Variants in OSBPL11 observed in about 807,000 individuals in gnomAD.
OSBPL11 encodes oxysterol-binding protein-related protein 11.
In OSBPL11, 33 loss-of-function variants were observed where a neutral mutation model predicts 84.4. That is an observed-to-expected ratio of 0.39 (90% CI 0.30 to 0.52). The LOEUF (loss-of-function observed/expected upper bound fraction) is 0.52, where lower values mean the gene tolerates loss of function less well. OSBPL11 is among the 20% of genes least tolerant of loss of function. The pLI, the probability that OSBPL11 is intolerant of heterozygous loss-of-function variation, is 0.72. For synonymous variants in OSBPL11, 276 were observed against 310.2 expected, an observed-to-expected ratio of 0.89 and a Z score of 1.16; for missense variants, 736 against 901.1, an observed-to-expected ratio of 0.82 and a Z score of 2.35.
Position 125,552,227 on chromosome 3 carries a change from C to T in OSBPL11, c.1608G>A (p.Lys536=). The T allele has an allele frequency of 6.2e-7, 1 of 1,613,420 alleles. No individual in the cohort carries two copies. The highest frequency in any genetic ancestry group is 1.1e-5 in the South Asian group (1 of 90,864). ...KMCVNAHVWT[K]SKFLGMSIGV... is the part of the protein sequence containing the mutation. ...CTATTGACATGCCTAAGAACTTGCT[C>T]TTAGTCCAGACATGCGCATTTACAC... The change falls in exon 9 of 13, where the codon AAG becomes AAA. Residue 536 remains lysine, a synonymous_variant. Coordinates refer to ENST00000296220, the MANE Select transcript of OSBPL11 (RefSeq NM_022776.5).
intron 10 of OSBPL11, among the ~76,000 whole-genome samples, chr3:125,545,185 G>T (rs1935792430): frequency 6.6e-6 from 1 of 152,186 alleles, no homozygotes; most frequent in South Asian, 2.1e-4. Context: ...GACACTGTCT[G>T]TTATTTTACT....
chr3:125,549,212 C>T (rs1935864946), intron 9 of OSBPL11, among the ~76,000 whole-genome samples: 3 of 152,216 alleles, frequency 2.0e-5, no homozygotes, highest in East Asian at 1.9e-4. Flanking sequence ...TTAATAGAGA[C>T]GGGGTTTCCC....
chr3:125,580,487 C>A lies in OSBPL11; in HGVS notation c.234-447G>T, dbSNP rs1243588697. On this transcript the variant is annotated intron_variant, in intron 2 of 12. Transcript: ENST00000296220. ...TAAGATCGAGCCACTGCACTCCAGC[C>A]TGGGCAAAAAGAGCAAAACTCCGTC... 3.9e-5 allele frequency among the ~76,000 whole-genome samples: 5 copies of A among 129,846 alleles called. No individual in the cohort carries two copies. The East Asian group carries it at 1.1e-3, about 29-fold the overall frequency. The allele number at this position is 129,846 out of a possible 152,430, so 85.2% of individuals were successfully genotyped here. A position where few individuals can be genotyped will look rare whatever the true frequency, so the allele number is the denominator to read the frequency against.
At chr3:125,532,175 T>TA (rs1935569153) in intron 11 of OSBPL11, among the ~76,000 whole-genome samples, 161 bp from the exon 12 acceptor site, 2 of 152,254 alleles carry the variant, frequency 1.3e-5, no homozygotes, top group Non-Finnish European at 2.9e-5. Flanking sequence ...ACTGTGCTGC[T>TA]GATGGTTATG....
chr3:125,540,779 G>A (rs1173680516), intron 10 of OSBPL11, among the ~76,000 whole-genome samples: 3 of 152,164 alleles, frequency 2.0e-5, no homozygotes, highest in Non-Finnish European at 1.5e-5. Context: ...TGACTGCTGG[G>A]TATTACAGGG....
chr3:125,573,481 G>C (rs12487738), intron 5 of OSBPL11, among the ~76,000 whole-genome samples: 10,334 of 152,286 alleles, frequency 0.068, 473 homozygotes, highest in Non-Finnish European at 0.098. Flanking sequence ...TAATAAGAAA[G>C]AGTAAATAGG....
Position 125,594,990 on chromosome 3 carries a change from G to C in OSBPL11, c.-190C>G, listed in dbSNP as rs1433428188. ...ATTCCCACAGAAGTTAAACTTTTGAGAGGGCAGGGGAAGCAACGAGGACAG... is the reference window on the plus strand; with the variant it reads ...ATTCCCACAGAAGTTAAACTTTTGACAGGGCAGGGGAAGCAACGAGGACAG... On this transcript the variant is annotated 5_prime_UTR_variant, in exon 1 of 13. Coordinates refer to ENST00000296220, the MANE Select transcript of OSBPL11 (RefSeq NM_022776.5). The C allele has an allele frequency of 1.4e-5, 8 of 586,824 alleles. No homozygotes were observed. The East Asian group carries it at 2.3e-4, about 17-fold the overall frequency. 36.4% of individuals were successfully genotyped at this position (586,824 alleles called of 1,614,324 possible).
chr3:125,581,338 C>T (rs886111056), intron 2 of OSBPL11, among the ~76,000 whole-genome samples: 7 of 151,778 alleles, frequency 4.6e-5, no homozygotes, highest in African/African-American at 1.2e-4. Flanking sequence ...GCGATCCTCC[C>T]GCCTCGGCCT....
chr3:125,590,609 A>G (rs1559849861), intron 1 of OSBPL11, among the ~76,000 whole-genome samples: 1 of 152,100 alleles, frequency 6.6e-6, no homozygotes, highest in Non-Finnish European at 1.5e-5. Flanking sequence ...TGTAAATGCC[A>G]CTGATGCCCT....
At chr3:125,536,173 T>C (rs1321573790) in intron 11 of OSBPL11, among the ~76,000 whole-genome samples, 1 of 151,972 alleles carries the variant, frequency 6.6e-6, no homozygotes, top group African/African-American at 2.4e-5. Flanking sequence ...AGATACAGTT[T>C]GAAAAAGAGA....
At chr3:125,576,069 T>C (rs1342633620) in intron 5 of OSBPL11, 120 bp downstream of exon 5, 16 of 847,928 alleles carry the variant, frequency 1.9e-5, no homozygotes, top group Middle Eastern at 3.5e-4. Context: ...TATCTCAGCA[T>C]ACTAGATAGG....
At position 125,561,573 on chromosome 3, in the gene OSBPL11, T is replaced by C. The variant is rs990909011; in HGVS notation, c.1015-1054A>G. Among the ~76,000 whole-genome samples, 87 of 152,204 alleles carry C rather than the reference T, an allele frequency of 5.7e-4. 1 individual carries two copies. The highest frequency in any genetic ancestry group is 6.5e-4 in the Admixed American group (10 of 15,280). On this transcript the variant is annotated intron_variant, in intron 7 of 12. Coordinates refer to ENST00000296220, the MANE Select transcript of OSBPL11 (RefSeq NM_022776.5). ...GCCTTCATGTCTACTTCCATATCCTTCTATTCACATTTTATTCCAAGTCGT... is the reference window on the plus strand; with the variant it reads ...GCCTTCATGTCTACTTCCATATCCTCCTATTCACATTTTATTCCAAGTCGT...
chr3:125,589,914 G>A (rs937539769), intron 1 of OSBPL11, among the ~76,000 whole-genome samples: 1 of 152,178 alleles, frequency 6.6e-6, no homozygotes, highest in African/African-American at 2.4e-5. Context: ...TGATTAGCCA[G>A]TGAGGAGCTC....
chr3:125,534,951 G>GAAAAAAAAAAAAAAAAAAAAAAAA (rs56164804), intron 11 of OSBPL11, among the ~76,000 whole-genome samples: 4 of 64,640 alleles, frequency 6.2e-5, no homozygotes, highest in South Asian at 6.4e-4. Context: ...TAAGAAATTA[G>GAAAAAAAAAAAAAAAAAAAAAAAA]AAAAAAAAAA....
At chr3:125,569,092 G>A (rs954533953) in intron 5 of OSBPL11, among the ~76,000 whole-genome samples, 3 of 152,084 alleles carry the variant, frequency 2.0e-5, no homozygotes, top group Non-Finnish European at 4.4e-5. Flanking sequence ...CTACAGGTGT[G>A]TGCCACAATG....
chr3:125,549,986 T>A (rs534001115), intron 9 of OSBPL11, among the ~76,000 whole-genome samples: 7 of 152,136 alleles, frequency 4.6e-5, no homozygotes, highest in African/African-American at 1.7e-4. Context: ...TTTTCACTTA[T>A]AAAATAAGCA....
At position 125,576,257 on chromosome 3, in the gene OSBPL11, G is replaced by C; in HGVS notation, c.598C>G (p.His200Asp). Reference protein sequence around the residue: ...QNAISFFNVGHSKLQSLSKRT... With the variant: ...QNAISFFNVGDSKLQSLSKRT... Reference sequence around the variant, plus strand: ...TTGCTCAGTGATTGCAGTTTGGAATGTCCAACATTAAAAAAAGAAATGGCA... The same window carrying C: ...TTGCTCAGTGATTGCAGTTTGGAATCTCCAACATTAAAAAAAGAAATGGCA... Residue 200 changes from histidine to aspartate, a missense_variant, in exon 5 of 13, where the codon CAT (histidine) becomes GAT (aspartate). By Grantham distance (81) the His-to-Asp change is moderately conservative. This residue lies in a region of OSBPL11 where 579 missense variants were observed against 717.6 expected (regional missense o/e 0.81). Transcript: ENST00000296220. The C allele has an allele frequency of 6.2e-7, 1 of 1,610,858 alleles. No homozygotes were observed. The highest frequency in any genetic ancestry group is 2.2e-5 in the East Asian group (1 of 44,596).
chr3:125,567,716 G>A, intron 5 of OSBPL11, 121 bp from the exon 6 acceptor site: 1 of 758,026 alleles, frequency 1.3e-6, no homozygotes, highest in Non-Finnish European at 2.1e-6. Context: ...TACTAGGCTA[G>A]GCATGGTGGC....
At chr3:125,579,632 C>T (rs1314948882) in intron 3 of OSBPL11, among the ~76,000 whole-genome samples, 5 of 152,318 alleles carry the variant, frequency 3.3e-5, no homozygotes, top group South Asian at 2.1e-4. Flanking sequence ...TTCACCTACA[C>T]CGTTTTTCAG....
Sources: allele counts gnomAD v4.1 joint callset (sites outside exome capture counted in the v4.1 genomes callset), GRCh38; gene constraint gnomAD v4.1.1; regional missense constraint gnomAD v4.1.1; transcripts MANE v1.5; gene names NCBI Gene and HGNC (gene_info 2026-07-23, HGNC 2026-07-21).